Variants in LIPA observed in about 807,000 individuals in gnomAD.
LIPA encodes the protein lysosomal acid lipase/cholesteryl ester hydrolase.
LIPA carries 26 observed loss-of-function variants against 40.6 expected under a neutral mutation model. The observed-to-expected ratio is 0.64, with a 90% CI of 0.47 to 0.89. The LOEUF (loss-of-function observed/expected upper bound fraction) is 0.89, where lower values mean the gene tolerates loss of function less well. Ranked by LOEUF, LIPA falls within the 40% of genes least tolerant of loss-of-function variation. The pLI is 0.00. For synonymous variants in LIPA, 188 were observed against 168.4 expected (o/e 1.12, Z -0.90); for missense variants, 455 against 479.6 (o/e 0.95, Z 0.48).
intron 2 of LIPA, among the ~76,000 whole-genome samples, chr10:89,393,702 C>A (rs1418733134): frequency 6.6e-6 from 1 of 152,176 alleles, no homozygotes; most frequent in South Asian, 2.1e-4. Flanking sequence ...TGCACTCCAG[C>A]CTGGGCAACA....
intron 2 of LIPA, among the ~76,000 whole-genome samples, chr10:89,365,505 T>C (rs996629080): frequency 6.6e-6 from 1 of 152,224 alleles, no homozygotes; most frequent in South Asian, 2.1e-4. Flanking sequence ...TTCTGGAGTT[T>C]TAGACATGAA....
chr10:89,323,725 C>A (rs76876880), intron 1 of LIPA, among the ~76,000 whole-genome samples: 1 of 152,046 alleles, frequency 6.6e-6, no homozygotes, highest in Non-Finnish European at 1.5e-5. Context: ...ATACAGCTAA[C>A]GCAGGAGGTG....
intron 1 of LIPA, among the ~76,000 whole-genome samples, chr10:89,310,447 C>T: frequency 6.6e-6 from 1 of 152,156 alleles, no homozygotes; most frequent in East Asian, 1.9e-4. Context: ...GTGCAATCAA[C>T]CTTGGATGCC....
At chr10:89,285,768 C>G (rs1843338324) in intron 1 of LIPA, among the ~76,000 whole-genome samples, 1 of 151,872 alleles carries the variant, frequency 6.6e-6, no homozygotes, top group South Asian at 2.1e-4. Context: ...CTCTCTGTGT[C>G]TCTACCCTCT....
At chr10:89,364,914 G>A (rs1844046793) in intron 2 of LIPA, among the ~76,000 whole-genome samples, 1 of 152,094 alleles carries the variant, frequency 6.6e-6, no homozygotes, top group South Asian at 2.1e-4. Context: ...ATGTCTGTGT[G>A]GGAAGCAAGA....
chr10:89,230,370 G>A (rs1053277476), intron 3 of LIPA, among the ~76,000 whole-genome samples: 1 of 152,144 alleles, frequency 6.6e-6, no homozygotes, highest in South Asian at 2.1e-4. Flanking sequence ...GCAGTGGCGT[G>A]ATCTCTGCTC....
chr10:89,222,023 C>G (rs1842705436), intron 8 of LIPA, among the ~76,000 whole-genome samples: 1 of 152,166 alleles, frequency 6.6e-6, no homozygotes, highest in Admixed American at 6.5e-5. Context: ...CCATTCACAT[C>G]TATCATTGGT....
chr10:89,390,374 G>T (rs758292912), intron 2 of LIPA, among the ~76,000 whole-genome samples: 4 of 152,120 alleles, frequency 2.6e-5, no homozygotes, highest in Non-Finnish European at 2.9e-5. Context: ...CATTATTTTT[G>T]AGATTTACCT....
chr10:89,296,804 T>G (rs777370366), intron 1 of LIPA, among the ~76,000 whole-genome samples: 48 of 152,210 alleles, frequency 3.2e-4, no homozygotes, highest in Non-Finnish European at 5.6e-4. Context: ...TTATTTTCTT[T>G]TGGGCCTATA....
At chr10:89,341,364 C>T (rs569270776) in intron 1 of LIPA, among the ~76,000 whole-genome samples, 2 of 152,320 alleles carry the variant, frequency 1.3e-5, no homozygotes, top group African/African-American at 2.4e-5. Context: ...GCATCTGACA[C>T]GGTGAGCTCC....
At chr10:89,328,870 CA>C (rs1323304902) in intron 1 of LIPA, among the ~76,000 whole-genome samples, 1 of 152,012 alleles carries the variant, frequency 6.6e-6, no homozygotes, top group East Asian at 1.9e-4. Flanking sequence ...GGAAGGCTCC[CA>C]AAAGAATCTT....
At chr10:89,283,245 A>C (rs1219045886) in intron 1 of LIPA, among the ~76,000 whole-genome samples, 1 of 152,166 alleles carries the variant, frequency 6.6e-6, no homozygotes, top group African/African-American at 2.4e-5. Context: ...GCTGTAACCA[A>C]CACTTCCATT....
chr10:89,215,907 C>A (rs1472489505), intron 9 of LIPA, 31 bp downstream of exon 9: 3 of 1,400,938 alleles, frequency 2.1e-6, no homozygotes, highest in African/African-American at 2.8e-5. Flanking sequence ...GTTTTCAGGG[C>A]CCCCTTTAAT....
At chr10:89,371,100 T>A (rs759775062) in intron 2 of LIPA, among the ~76,000 whole-genome samples, 3 of 152,224 alleles carry the variant, frequency 2.0e-5, no homozygotes, top group Non-Finnish European at 4.4e-5. Context: ...ATTTGAGAAC[T>A]GTTCATTTAA....
Position 89,398,339 on chromosome 10 carries a change from C to A in LIPA, c.61+14452G>T, listed in dbSNP as rs1844374887. Among the ~76,000 whole-genome samples, 4 of 152,188 alleles carry A rather than the reference C, an allele frequency of 2.6e-5. No individual in the cohort carries two copies. The South Asian group carries it at 8.3e-4, about 32-fold the overall frequency. Reference sequence around the variant, plus strand: ...TGCGTGATGTTCCCTGAAAGGGGAACAATAAATGTTAATTCCCTACAGGTT... The same window carrying A: ...TGCGTGATGTTCCCTGAAAGGGGAAAAATAAATGTTAATTCCCTACAGGTT... On this transcript the variant is annotated intron_variant, in intron 2 of 8. Coordinates refer to the LIPA transcript ENST00000371837.
At chr10:89,324,141 A>C (rs917609327) in intron 1 of LIPA, among the ~76,000 whole-genome samples, 1 of 152,162 alleles carries the variant, frequency 6.6e-6, no homozygotes, top group Non-Finnish European at 1.5e-5. Flanking sequence ...CTACAAGGCT[A>C]TAGTAACCAA....
In LIPA at chr10:89,319,975, T is replaced by C. The variant is rs576828494; in HGVS notation, c.-2+22636A>G. ...GAACCAAAGACAAAAACCACATGAT[T>C]ATCTCAATAGATGCAGAAAAGGCCT... is the stretch of plus-strand genomic sequence containing the variant. On this transcript the variant is annotated intron_variant, in intron 1 of 5. Coordinates refer to the LIPA transcript ENST00000282673. Among the ~76,000 whole-genome samples the C allele has an allele frequency of 2.6e-5, 4 of 152,314 alleles. No individual in the cohort carries two copies. In the South Asian group the frequency reaches 8.3e-4, roughly 32 times the overall value.
rs139887227 is a variant in LIPA at position 89,313,896 on chromosome 10, G to A, written c.-2+28715C>T. The stretch of plus-strand genomic sequence containing the variant: ...TAAGGCTAGGGGAGGGGGTTGTGAC[G>A]ATGGGAGATGACAGCTTGAGAATGT... On this transcript the variant is annotated intron_variant, in intron 1 of 5. Coordinates refer to the LIPA transcript ENST00000282673. Among the ~76,000 whole-genome samples, 23 of 152,270 alleles carry A rather than the reference G, an allele frequency of 1.5e-4. No individual in the cohort carries two copies. The East Asian group carries it at 4.0e-3, about 27-fold the overall frequency.
rs115410084 is a variant in LIPA, at chr10:89,261,045, C to T, written c.-1-13396G>A. 1.7e-3 allele frequency among the ~76,000 whole-genome samples: 263 copies of T among 152,304 alleles called. 1 individual carries two copies. Among genetic ancestry groups the T allele is most frequent in the African/African-American group, 6.2e-3 (258 of 41,546 alleles). ...TTGTCTAAGGGTCTTTAATTTCCAG[C>T]CCATAGTTGCCTTTGATTCCTATTA... On this transcript the variant is annotated intron_variant, in intron 1 of 5. Transcript: ENST00000282673.
Sources: gnomAD v4.1 joint callset for allele counts (sites outside exome capture counted in the v4.1 genomes callset) on GRCh38, gnomAD v4.1.1 for gene constraint, MANE v1.5 for transcripts, NCBI Gene and HGNC (gene_info 2026-07-23, HGNC 2026-07-21) for gene names.